KANK1: variants seen among roughly 807,000 people sequenced by gnomAD.
The protein encoded by KANK1 is KN motif and ankyrin repeat domain-containing protein 1.
A neutral mutation model predicts 106.2 loss-of-function variants in KANK1; 109 were observed. The ratio of observed to expected loss-of-function variants is 1.03; its 90% CI spans 0.88 to 1.20. The LOEUF (loss-of-function observed/expected upper bound fraction) is 1.20, where lower values mean the gene tolerates loss of function less well. KANK1 is among the 50% of genes most tolerant of loss of function. The pLI, the probability that KANK1 is intolerant of heterozygous loss-of-function variation, is 0.00. For missense variants in KANK1, 2,399 were observed against 1,710.7 expected (o/e 1.40, Z -7.10); for synonymous variants, 873 against 652.2 (o/e 1.34, Z -5.16).
At chr9:606,200 G>A (rs998196829) in intron 1 of KANK1, among the ~76,000 whole-genome samples, 4 of 145,074 alleles carry the variant, frequency 2.8e-5, no homozygotes, top group Admixed American at 6.8e-5. Context: ...ACATATATAC[G>A]TACATACATA....
intron 1 of KANK1, among the ~76,000 whole-genome samples, chr9:561,353 A>G (rs777478485): frequency 2.0e-5 from 3 of 152,136 alleles, no homozygotes; most frequent in Non-Finnish European, 4.4e-5. Context: ...ACTATTTGAT[A>G]TGTTCATATG....
intron 2 of KANK1, chr9:707,316 GC>G (rs774062918): frequency 8.2e-5 from 69 of 842,034 alleles, no homozygotes; most frequent in Non-Finnish European, 9.4e-5. Flanking sequence ...GGCGAGGGGG[GC>G]CGGCCGGGAA....
At chr9:744,433 C>T (rs777287468) in intron 10 of KANK1, 58 bp from the exon 11 acceptor site, 22 of 1,562,820 alleles carry the variant, frequency 1.4e-5, no homozygotes, top group Middle Eastern at 1.9e-4. Flanking sequence ...TGTTACCTTT[C>T]GGTTGTCTGG....
chr9:536,388 A>C (rs984894663), intron 1 of KANK1, among the ~76,000 whole-genome samples: 15 of 152,152 alleles, frequency 9.9e-5, no homozygotes, highest in African/African-American at 3.6e-4. Context: ...ACAGTTGTGT[A>C]GATCAGAAGT....
At chr9:577,343 T>C (rs2804273) in intron 1 of KANK1, among the ~76,000 whole-genome samples, 53,952 of 151,984 alleles carry the variant, frequency 0.35, 12,294 homozygotes, top group South Asian at 0.57. Context: ...AGAGTGCTGA[T>C]TGGTGCATTT....
chr9:704,304 C>T lies in KANK1; in HGVS notation c.38-6500C>T, dbSNP rs1275669673. Among the ~76,000 whole-genome samples, 3 of 152,130 alleles carry T rather than the reference C, an allele frequency of 2.0e-5. 1 individual carries two copies. The highest frequency in any genetic ancestry group is 2.9e-5 in the Non-Finnish European group (2 of 68,030). On this transcript the variant is annotated intron_variant, in intron 2 of 11. Transcript: ENST00000382297. The stretch of plus-strand genomic sequence containing the variant: ...TTATAGTAGCTCTGATCCACAAAGT[C>T]CTTTGAGGCCCAAGTTCCTTCTAGT...
chr9:597,899 A>G (rs1468155503), intron 1 of KANK1, among the ~76,000 whole-genome samples: 2 of 151,550 alleles, frequency 1.3e-5, no homozygotes, highest in East Asian at 3.9e-4. Flanking sequence ...TCTTGACCTC[A>G]GGTGATCCAC....
chr9:742,078 A>C, intron 9 of KANK1, 127 bp from the exon 10 acceptor site: 1 of 777,788 alleles, frequency 1.3e-6, no homozygotes, highest in Non-Finnish European at 2.1e-6. Flanking sequence ...TGCCCCAAGT[A>C]GTTCCATCGC....
intron 1 of KANK1, among the ~76,000 whole-genome samples, chr9:547,956 T>C (rs1244547212): frequency 2.0e-5 from 3 of 152,184 alleles, no homozygotes; most frequent in African/African-American, 7.2e-5. Context: ...TTTTTTATGT[T>C]TTTTTTCTTT....
chr9:629,594 C>T (rs756924593), intron 1 of KANK1, among the ~76,000 whole-genome samples: 5 of 152,188 alleles, frequency 3.3e-5, no homozygotes, highest in Non-Finnish European at 5.9e-5. Flanking sequence ...CATCCAAACA[C>T]ATCCTGAGAG....
In KANK1 at chr9:729,315, G is replaced by C. The variant is rs145452115; in HGVS notation, c.2699-736G>C. ...TACATTGTATCACAGATCCCCAGGA[G>C]AAGGTACAAAAGATGGGCTGTGAGA... is the stretch of plus-strand genomic sequence containing the variant. On this transcript the variant is annotated intron_variant, in intron 3 of 11. Transcript: ENST00000382297. 6.8e-3 allele frequency among the ~76,000 whole-genome samples: 1,038 copies of C among 152,304 alleles called. 2 individuals carry two copies. The highest frequency in any genetic ancestry group is 0.018 in the South Asian group (89 of 4,830).
intron 1 of KANK1, among the ~76,000 whole-genome samples, chr9:547,809 C>T (rs1034592358): frequency 6.6e-6 from 1 of 152,152 alleles, no homozygotes; most frequent in Non-Finnish European, 1.5e-5. Context: ...AGTGGACTAG[C>T]CCATGCTGTG....
At chr9:724,635 C>T (rs1166827101) in intron 3 of KANK1, among the ~76,000 whole-genome samples, 3 of 152,076 alleles carry the variant, frequency 2.0e-5, no homozygotes, top group Non-Finnish European at 4.4e-5. Context: ...AATCCCGTCT[C>T]TACTAAAAAT....
At chr9:560,660 C>G (rs1422183859) in intron 1 of KANK1, among the ~76,000 whole-genome samples, 1 of 152,058 alleles carries the variant, frequency 6.6e-6, no homozygotes, top group Non-Finnish European at 1.5e-5. Flanking sequence ...AGCCCTTTCC[C>G]AATGTCATGA....
chr9:587,374 T>C (rs554670281), intron 1 of KANK1, among the ~76,000 whole-genome samples: 1 of 152,134 alleles, frequency 6.6e-6, no homozygotes, highest in Non-Finnish European at 1.5e-5. Context: ...GCAGATTAAG[T>C]CAATAAATAC....
At chr9:479,082 C>T (rs2058157846) in intron 3 of KANK1, among the ~76,000 whole-genome samples, 1 of 152,116 alleles carries the variant, frequency 6.6e-6, no homozygotes, top group Non-Finnish European at 1.5e-5. Flanking sequence ...TTTTAAAATA[C>T]TTCTCTTTCA....
chr9:727,684 G>A (rs997790615), intron 3 of KANK1, among the ~76,000 whole-genome samples: 1 of 138,920 alleles, frequency 7.2e-6, no homozygotes, highest in Non-Finnish European at 1.5e-5. Flanking sequence ...CTTTTCATGT[G>A]TGTGTGTGTG....
chr9:684,144 AC>A (rs1563982801), intron 2 of KANK1: 2 of 984,294 alleles, frequency 2.0e-6, no homozygotes, highest in African/African-American at 3.5e-5. Flanking sequence ...CTTTGTTTTA[AC>A]CTGTAGCCAG....
intron 5 of KANK1, 183 bp from the exon 6 acceptor site, chr9:732,195 A>AAGTT (rs1832488397): frequency 4.9e-6 from 3 of 611,128 alleles, no homozygotes; most frequent in Admixed American, 3.0e-5. Flanking sequence ...TAACCAGTTT[A>AAGTT]AGTTAGAGTC....
Sources: gnomAD v4.1 joint callset for allele counts (sites outside exome capture counted in the v4.1 genomes callset) on GRCh38, gnomAD v4.1.1 for gene constraint, MANE v1.5 for transcripts, NCBI Gene and HGNC (gene_info 2026-07-23, HGNC 2026-07-21) for gene names.